NXPH1: variants seen among roughly 807,000 people sequenced by gnomAD.
NXPH1 encodes neurexophilin 1.
A neutral mutation model predicts 23.7 loss-of-function variants in NXPH1; 5 were observed. The ratio of observed to expected loss-of-function variants is 0.21; its 90% confidence interval spans 0.11 to 0.44. NXPH1 has a LOEUF of 0.44. Among genes scored for constraint, NXPH1 ranks in the 20% least tolerant of loss-of-function variants. The pLI, the probability that NXPH1 is intolerant of heterozygous loss-of-function variation, is 0.99. For synonymous variants in NXPH1, 144 were observed against 122.2 expected (o/e 1.18, Z -1.18); for missense variants, 324 against 321.6 (o/e 1.01, Z -0.06).
rs34390317 is a variant in NXPH1, at chr7:8,552,114, CAAAAAAAAAAAAAAAA to C, written c.54+116360_54+116375del. 5.5e-3 allele frequency among the ~76,000 whole-genome samples: 341 copies of C among 61,776 alleles called. 2 individuals carry two copies. Among genetic ancestry groups the C allele is most frequent in the African/African-American group, 0.023 (323 of 14,344 alleles). 40.5% of individuals were successfully genotyped at this position (61,776 alleles called of 152,430 possible). The stretch of plus-strand genomic sequence containing the variant: ...CTCCAATTGTCTGCAGAAAAAAAAC[CAAAAAAAAAAAAAAAA>C]AAAAAAAAAAAACCACCAAAACCAC... On this transcript the variant is annotated intron_variant, in intron 2 of 2. Transcript: ENST00000405863.
At chr7:8,697,380 T>C (rs1261903372) in intron 2 of NXPH1, among the ~76,000 whole-genome samples, 1 of 152,112 alleles carries the variant, frequency 6.6e-6, no homozygotes, top group Admixed American at 6.5e-5. Flanking sequence ...AGAAGTAGTG[T>C]GACCAGTTAG....
At chr7:8,614,072 T>G (rs949508997) in intron 2 of NXPH1, among the ~76,000 whole-genome samples, 1 of 151,916 alleles carries the variant, frequency 6.6e-6, no homozygotes, top group Non-Finnish European at 1.5e-5. Flanking sequence ...AATAGTATAG[T>G]GTTAAACACA....
chr7:8,637,796 G>C (rs1820243199), intron 2 of NXPH1, among the ~76,000 whole-genome samples: 1 of 152,086 alleles, frequency 6.6e-6, no homozygotes, highest in African/African-American at 2.4e-5. Flanking sequence ...TTACATAAGT[G>C]GTTTAAGTCA....
chr7:8,668,901 G>T (rs1014583030), intron 2 of NXPH1, among the ~76,000 whole-genome samples: 1 of 152,048 alleles, frequency 6.6e-6, no homozygotes, highest in Non-Finnish European at 1.5e-5. Flanking sequence ...CCCTGGGTAT[G>T]CTGAAGCCAG....
At chr7:8,496,640 A>G (rs1344927417) in intron 2 of NXPH1, among the ~76,000 whole-genome samples, 1 of 152,042 alleles carries the variant, frequency 6.6e-6, no homozygotes, top group Non-Finnish European at 1.5e-5. Flanking sequence ...CATGTTAGAA[A>G]TGCAACTTCT....
intron 2 of NXPH1, among the ~76,000 whole-genome samples, chr7:8,541,511 T>A (rs796509187): frequency 7.9e-5 from 12 of 151,526 alleles, no homozygotes; most frequent in African/African-American, 2.9e-4. Context: ...TATGAAGAAA[T>A]CTTCAACAAG....
rs559864884 is a variant in NXPH1, at chr7:8,651,455, A to G, written c.55-99553A>G. Among the ~76,000 whole-genome samples the G allele has an allele frequency of 2.2e-3, 326 of 149,514 alleles. 4 individuals are homozygous for G. Among genetic ancestry groups the G allele is most frequent in the African/African-American group, 7.4e-3 (301 of 40,654 alleles). ...ATACGTGTGCATGTGTCTTTATAGC[A>G]GCATGATTTATAGTCCTTTGGGTAT... On this transcript the variant is annotated intron_variant, in intron 2 of 2. Coordinates refer to ENST00000405863, the MANE Select transcript of NXPH1 (RefSeq NM_152745.3).
At chr7:8,547,300 T>C (rs1055864035) in intron 2 of NXPH1, among the ~76,000 whole-genome samples, 2 of 151,308 alleles carry the variant, frequency 1.3e-5, no homozygotes, top group Non-Finnish European at 3.0e-5. Flanking sequence ...GAAAAACATA[T>C]AGATTACGAG....
At chr7:8,661,038 A>T (rs1316794767) in intron 2 of NXPH1, among the ~76,000 whole-genome samples, 3 of 151,266 alleles carry the variant, frequency 2.0e-5, no homozygotes, top group African/African-American at 7.3e-5. Context: ...TTTGATTAAG[A>T]AGCTGCACAG....
At chr7:8,730,774 T>C (rs1417209807) in intron 2 of NXPH1, among the ~76,000 whole-genome samples, 2 of 151,114 alleles carry the variant, frequency 1.3e-5, no homozygotes, top group Non-Finnish European at 2.9e-5. Context: ...GCCCTTAACA[T>C]TTTTTCCTGC....
At chr7:8,692,779 C>G (rs144703403) in intron 2 of NXPH1, among the ~76,000 whole-genome samples, 113 of 152,190 alleles carry the variant, frequency 7.4e-4, no homozygotes, top group Non-Finnish European at 5.6e-4. Flanking sequence ...GTGATGGTAA[C>G]TTCTAAAGCC....
intron 2 of NXPH1, among the ~76,000 whole-genome samples, chr7:8,705,338 C>T (rs1423239256): frequency 1.3e-5 from 2 of 152,154 alleles, no homozygotes; most frequent in East Asian, 1.9e-4. Context: ...TGTCAGGTTC[C>T]ATACATTTAT....
intron 2 of NXPH1, among the ~76,000 whole-genome samples, chr7:8,726,561 C>T (rs1780057709): frequency 6.8e-6 from 1 of 146,682 alleles, no homozygotes; most frequent in Non-Finnish European, 1.5e-5. Context: ...GTTCAATTCC[C>T]ACCTATGAGT....
chr7:8,439,523 C>T (rs956924234), intron 2 of NXPH1, among the ~76,000 whole-genome samples: 1 of 152,232 alleles, frequency 6.6e-6, no homozygotes, highest in African/African-American at 2.4e-5. Context: ...CACCCATCCA[C>T]AGCTCTATTC....
intron 2 of NXPH1, among the ~76,000 whole-genome samples, chr7:8,576,657 C>T (rs1818761898): frequency 6.6e-6 from 1 of 151,858 alleles, no homozygotes; most frequent in African/African-American, 2.4e-5. Context: ...TCGTACATGA[C>T]TTTGTGGAAC....
chr7:8,589,204 A>C (rs972480835), intron 2 of NXPH1, among the ~76,000 whole-genome samples: 5 of 152,128 alleles, frequency 3.3e-5, no homozygotes, highest in Admixed American at 1.3e-4. Flanking sequence ...ATGGTGACTA[A>C]TCTTAAAGTA....
rs539399277 is a variant in NXPH1, at chr7:8,559,772, A to C, written c.54+124005A>C. Among the ~76,000 whole-genome samples the C allele has an allele frequency of 3.3e-5, 5 of 151,852 alleles. No individual in the cohort carries two copies. The South Asian group carries it at 1.0e-3, about 31-fold the overall frequency. On this transcript the variant is annotated intron_variant, in intron 2 of 2. Transcript: ENST00000405863. ...ATAATGCTACATAGACATGGATTTCAGTCATAGAAACTCAAATGTGTCACT... is the reference window on the plus strand; with the variant it reads ...ATAATGCTACATAGACATGGATTTCCGTCATAGAAACTCAAATGTGTCACT...
intron 2 of NXPH1, among the ~76,000 whole-genome samples, chr7:8,574,958 G>A (rs1346532846): frequency 2.6e-5 from 4 of 152,150 alleles, no homozygotes; most frequent in Non-Finnish European, 5.9e-5. Context: ...CTTACCACCA[G>A]ACATGCTTGG....
rs1011319902 is a variant in NXPH1 at position 8,562,774 on chromosome 7, A to G, written c.54+127007A>G. On this transcript the variant is annotated intron_variant, in intron 2 of 2. Coordinates refer to ENST00000405863, the MANE Select transcript of NXPH1 (RefSeq NM_152745.3). ...ATAAAAAATATGTCTGGTATAAGCT[A>G]GTGTTGTTTAAAAATGTGTATTGGT... is the stretch of plus-strand genomic sequence containing the variant. Among the ~76,000 whole-genome samples the G allele has an allele frequency of 5.9e-5, 9 of 151,694 alleles. 1 individual carries two copies. Among genetic ancestry groups the G allele is most frequent in the Middle Eastern group, 3.2e-3 (1 of 310 alleles).
Sources: gnomAD v4.1 joint callset for allele counts (sites outside exome capture counted in the v4.1 genomes callset) on GRCh38, gnomAD v4.1.1 for gene constraint, MANE v1.5 for transcripts, NCBI Gene and HGNC (gene_info 2026-07-23, HGNC 2026-07-21) for gene names.